The following MDN1 variants were observed in gnomAD, a reference collection of about 807,000 sequenced individuals.
MDN1 encodes the protein midasin.
A neutral mutation model predicts 669.2 loss-of-function variants in MDN1; 266 were observed. That is an observed-to-expected ratio of 0.40 (90% CI 0.36 to 0.44). The LOEUF (loss-of-function observed/expected upper bound fraction) is 0.44. Among genes scored for constraint, MDN1 ranks in the 20% least tolerant of loss-of-function variants. The probability of loss-of-function intolerance (pLI) is 1.00; values close to 1 mark genes in which losing one functional copy is unlikely to be tolerated. For missense variants in MDN1, 5,940 were observed against 6,754.0 expected, an observed-to-expected ratio of 0.88 and a Z score of 4.22; for synonymous variants, 2,385 against 2,457.1, an observed-to-expected ratio of 0.97 and a Z score of 0.87.
intron 88 of MDN1, among the ~76,000 whole-genome samples, chr6:89,660,587 A>G (rs1809669604): frequency 6.6e-6 from 1 of 152,062 alleles, no homozygotes; most frequent in Non-Finnish European, 1.5e-5. Flanking sequence ...AGCAGACAGC[A>G]TATTACATTC....
At chr6:89,698,685 A>G (rs1007131004) in intron 59 of MDN1, among the ~76,000 whole-genome samples, 180 bp downstream of exon 59, 19 of 152,240 alleles carry the variant, frequency 1.2e-4, no homozygotes, top group African/African-American at 4.6e-4. Context: ...AATTTCACAA[A>G]TTATTTAACA....
At chr6:89,743,415 T>C (rs1431174524) in intron 30 of MDN1, 135 bp from the exon 31 acceptor site, 1 of 1,367,426 alleles carries the variant, frequency 7.3e-7, no homozygotes, top group East Asian at 2.3e-5. Flanking sequence ...AGATAGAACT[T>C]GCACACCAGA....
intron 2 of MDN1, among the ~76,000 whole-genome samples, chr6:89,796,685 T>C (rs923589665): frequency 1.3e-5 from 2 of 152,158 alleles, no homozygotes; most frequent in Non-Finnish European, 2.9e-5. Flanking sequence ...TCTCTGTACC[T>C]TCCTCTCAAT....
Position 89,795,349 on chromosome 6 carries a change from A to C in MDN1, c.330-548T>G, listed in dbSNP as rs779012592. On this transcript the variant is annotated intron_variant, in intron 2 of 101. Transcript: ENST00000369393. ...GAGACATACACACACGAGTCAACTG[A>C]ATCTGGGGAGAATCAAGAAGAGATG... Among the ~76,000 whole-genome samples, 4 of 152,278 alleles carry C rather than the reference A, an allele frequency of 2.6e-5. No homozygotes were observed. The South Asian group carries it at 8.3e-4, about 32-fold the overall frequency.
At position 89,658,883 on chromosome 6, in the gene MDN1, T is replaced by G. The variant is rs1375816339; in HGVS notation, c.14748A>C (p.Glu4916Asp). 1.9e-6 allele frequency: 3 copies of G among 1,612,634 alleles called. No individual in the cohort carries two copies. Residue 4916 changes from glutamate to aspartate, a missense_variant, in exon 89 of 102, where the codon GAA becomes GAC. Physicochemically the swap from Glu to Asp is conservative, Grantham distance 45. Around this residue, in one of 5 missense-constraint regions of MDN1, gnomAD observed 2,280 missense variants for 2,576.3 expected, o/e 0.88. Transcript: ENST00000369393. ...ENPLEIKEKP[E>D]EAGHEAEERG... Reference sequence around the variant, plus strand: ...TTTCCTCAGCTTCATGACCTGCTTCTTCTGGTTTTTCTTTTATCTCCAAAG... The same window carrying G: ...TTTCCTCAGCTTCATGACCTGCTTCGTCTGGTTTTTCTTTTATCTCCAAAG...
Position 89,710,683 on chromosome 6 carries a change from G to C in MDN1, c.7763C>G (p.Thr2588Arg). The C allele has an allele frequency of 6.4e-7, 1 of 1,552,908 alleles. No homozygotes were observed. Among genetic ancestry groups the C allele is most frequent in the Non-Finnish European group, 8.7e-7 (1 of 1,143,904 alleles). Residue 2588 changes from threonine (T) to arginine (R), a missense_variant and splice_region_variant, in exon 50 of 102, where the codon ACA (threonine) becomes AGA (arginine). Thr to Arg is a moderately conservative substitution (Grantham distance 71). Coordinates refer to ENST00000369393, the MANE Select transcript of MDN1 (RefSeq NM_014611.3). ...AGCTAGAAATCAAAAGTGCATACCT[G>C]TTGTATTTGGTTGTAATATTTTGAA... ...NVFKILQPNT[T>R]DEFVIPLDPR...
chr6:89,676,077 C>T lies in MDN1; in HGVS notation c.12645+25G>A, dbSNP rs147506204. The T allele has an allele frequency of 3.8e-4, 615 of 1,604,672 alleles. 1 individual carries two copies. The African/African-American group carries it at 5.3e-3, about 14-fold the overall frequency. The stretch of plus-strand genomic sequence containing the variant: ...AACAAGGGCTTTCCCTGAGCCCCTG[C>T]AAGACTCATGTTCTATCATTCTACC... On this transcript the variant is annotated intron_variant, in intron 77 of 101. Transcript: ENST00000369393.
chr6:89,792,034 A>T (rs1424118216), intron 5 of MDN1, among the ~76,000 whole-genome samples: 2 of 151,460 alleles, frequency 1.3e-5, no homozygotes, highest in Non-Finnish European at 2.9e-5. Context: ...AGCCCGGCTA[A>T]TTTTTTTGTA....
At position 89,718,842 on chromosome 6, in the gene MDN1, A is replaced by C. The variant is rs975167983; in HGVS notation, c.6246T>G (p.Leu2082=). 7 of 1,614,088 alleles carry C rather than the reference A, an allele frequency of 4.3e-6. No individual in the cohort carries two copies. The African/African-American group carries it at 9.3e-5, about 22-fold the overall frequency. ...KTSLVQLLAH[L]TGHTLKIMAM... The stretch of plus-strand genomic sequence containing the variant: ...CCATGATCTTTAATGTGTGGCCAGT[A>C]AGGTGTGCCAGAAGCTGGACCAGGC... The change falls in exon 42 of 102, where the codon CTT becomes CTG. Residue 2082 remains leucine (L), a synonymous_variant. Coordinates refer to ENST00000369393, the MANE Select transcript of MDN1 (RefSeq NM_014611.3).
chr6:89,798,181 C>CA (rs10706907), intron 2 of MDN1, among the ~76,000 whole-genome samples: 7,214 of 71,158 alleles, frequency 0.1, 378 homozygotes, highest in East Asian at 0.22. Context: ...GACTCTGTCT[C>CA]AAAAAAAAAA....
At chr6:89,709,801 TCTCA>T (rs755806965) in intron 50 of MDN1, among the ~76,000 whole-genome samples, 11 of 152,222 alleles carry the variant, frequency 7.2e-5, no homozygotes, top group Non-Finnish European at 1.0e-4. Context: ...ATGTTTATTC[TCTCA>T]CTCCTTATTT....
intron 59 of MDN1, 89 bp downstream of exon 59, chr6:89,698,776 C>A: frequency 7.3e-7 from 1 of 1,364,538 alleles, no homozygotes; most frequent in South Asian, 1.2e-5. Context: ...AGTCACCACT[C>A]TATGCTAGGA....
chr6:89,718,453 T>G lies in MDN1; in HGVS notation c.6496A>C (p.Ile2166Leu), dbSNP rs763371033. The G allele has an allele frequency of 3.7e-6, 6 of 1,614,200 alleles. No homozygotes were observed. In the East Asian group the frequency reaches 1.3e-4, roughly 36 times the overall value. The change falls in exon 43 of 102, where the codon ATC (isoleucine) becomes CTC (leucine). Residue 2166 changes from isoleucine to leucine, a missense_variant. By Grantham distance (5) the Ile-to-Leu change is conservative. This residue lies in a region of MDN1 where 2,292 missense variants were observed against 2,638.3 expected (regional missense o/e 0.87). Transcript: ENST00000369393. ...PKCLGEGGKA[I>L]TMEIVNKLEA... Reference sequence around the variant, plus strand: ...AGTTTGTTGACAATCTCCATCGTGATAGCTTTACCACCTTCTCCAAGACAC... The same window carrying G: ...AGTTTGTTGACAATCTCCATCGTGAGAGCTTTACCACCTTCTCCAAGACAC...
rs546526989 is a variant in MDN1, at chr6:89,755,551, C to T, written c.2816+726G>A. Among the ~76,000 whole-genome samples the T allele has an allele frequency of 3.3e-5, 5 of 152,262 alleles. No individual in the cohort carries two copies. In the South Asian group the frequency reaches 8.3e-4, roughly 25 times the overall value. On this transcript the variant is annotated intron_variant, in intron 20 of 101. Coordinates refer to ENST00000369393, the MANE Select transcript of MDN1 (RefSeq NM_014611.3). ...TCTGCCTTACTCATAGCTATAACCA[C>T]AGCACCAGGGCACTCAATAAGTATT...
intron 88 of MDN1, among the ~76,000 whole-genome samples, chr6:89,659,857 T>C (rs1809594800): frequency 6.6e-6 from 1 of 152,212 alleles, no homozygotes; most frequent in South Asian, 2.1e-4. Flanking sequence ...AAATCAGTTA[T>C]TAGCAAATTC....
chr6:89,745,707 C>A, intron 27 of MDN1, 81 bp from the exon 28 acceptor site: 1 of 1,407,424 alleles, frequency 7.1e-7, no homozygotes. Context: ...GAATATGAAA[C>A]AATAGAAACT....
intron 17 of MDN1, among the ~76,000 whole-genome samples, chr6:89,760,427 T>C (rs1051299309): frequency 6.6e-6 from 1 of 152,142 alleles, no homozygotes; most frequent in African/African-American, 2.4e-5. Context: ...CTAGCTGTCA[T>C]CAATTGCATC....
Position 89,742,925 on chromosome 6 carries a change from CATT to C in MDN1, c.4448+222_4448+224del, listed in dbSNP as rs377375029. 8.2e-3 allele frequency among the ~76,000 whole-genome samples: 1,241 copies of C among 152,168 alleles called. 15 individuals are homozygous for C. Among genetic ancestry groups the C allele is most frequent in the Non-Finnish European group, 0.014 (935 of 68,024 alleles). ...ATGGTAATACATCAATAATTTCAAGCATTTACTAAGGTGCACCTATGAGAAGTA... is the reference window on the plus strand; with the variant it reads ...ATGGTAATACATCAATAATTTCAAGCTACTAAGGTGCACCTATGAGAAGTA... On this transcript the variant is annotated intron_variant, in intron 31 of 101. Transcript: ENST00000369393.
At chr6:89,704,713 T>C (rs1227443595) in intron 53 of MDN1, among the ~76,000 whole-genome samples, 2 of 152,144 alleles carry the variant, frequency 1.3e-5, no homozygotes, top group Non-Finnish European at 2.9e-5. Flanking sequence ...CTCGAGTAGC[T>C]GGGACTACAG....
Sources: allele counts gnomAD v4.1 joint callset (sites outside exome capture counted in the v4.1 genomes callset), GRCh38; gene constraint gnomAD v4.1.1; regional missense constraint gnomAD v4.1.1; transcripts MANE v1.5; gene names NCBI Gene and HGNC (gene_info 2026-07-23, HGNC 2026-07-21).